ARAP2: variants seen among roughly 807,000 people sequenced by gnomAD.
ARAP2 encodes the protein ArfGAP with RhoGAP domain, ankyrin repeat and PH domain 2.
Under a neutral mutation model 194.5 loss-of-function variants are expected in ARAP2, and 148 were observed. That is an observed-to-expected ratio of 0.76 (90% CI 0.67 to 0.87). The LOEUF is 0.87. Ranked by LOEUF, ARAP2 falls within the 40% of genes least tolerant of loss-of-function variation. The pLI is 0.00. For synonymous variants in ARAP2, 695 were observed against 683.5 expected, an observed-to-expected ratio of 1.02 and a Z score of -0.26; for missense variants, 2,128 against 1,989.7, an observed-to-expected ratio of 1.07 and a Z score of -1.32.
chr4:36,167,791 CA>C (rs1735628660), intron 9 of ARAP2, among the ~76,000 whole-genome samples: 1 of 152,082 alleles, frequency 6.6e-6, no homozygotes, highest in Admixed American at 6.6e-5. Flanking sequence ...CAAAATTGTT[CA>C]AAAGGCTACA....
At chr4:36,105,489 A>G (rs1041319696) in intron 27 of ARAP2, among the ~76,000 whole-genome samples, 5 of 151,974 alleles carry the variant, frequency 3.3e-5, no homozygotes, top group African/African-American at 4.8e-5. Flanking sequence ...TGATGCTTTT[A>G]TAACAGAAGG....
At chr4:36,155,475 G>A (rs1032790948) in intron 15 of ARAP2, among the ~76,000 whole-genome samples, 1 of 152,016 alleles carries the variant, frequency 6.6e-6, no homozygotes, top group Non-Finnish European at 1.5e-5. Context: ...GGGAACAGCA[G>A]GTGAAAAGGT....
At chr4:36,202,653 A>C (rs1744623063) in intron 6 of ARAP2, among the ~76,000 whole-genome samples, 1 of 152,210 alleles carries the variant, frequency 6.6e-6, no homozygotes, top group Non-Finnish European at 1.5e-5. Flanking sequence ...CTATGTTAAA[A>C]GATTCACACT....
At chr4:36,173,714 A>G (rs1446548583) in intron 9 of ARAP2, among the ~76,000 whole-genome samples, 1 of 152,196 alleles carries the variant, frequency 6.6e-6, no homozygotes, top group East Asian at 1.9e-4. Context: ...CTGTGAAAAT[A>G]AAAACAGCTA....
exon 9 of ARAP2, chr4:36,012,692 C>T (rs1230931870): frequency 6.6e-6 from 1 of 152,206 alleles, no homozygotes; most frequent in Non-Finnish European, 1.5e-5. Context: ...GGGCATACTT[C>T]TTCATGCTGT....
At chr4:36,130,930 A>G (rs1341966611) in intron 20 of ARAP2, among the ~76,000 whole-genome samples, 1 of 151,858 alleles carries the variant, frequency 6.6e-6, no homozygotes. Context: ...TTTGAACATA[A>G]TTTTGTTTAT....
In ARAP2 at chr4:36,148,484, T is replaced by C. The variant is rs372559407; in HGVS notation, c.2921A>G (p.Tyr974Cys). ...NTGPIFIFEI[Y>C]LPSERVFLFG... The stretch of plus-strand genomic sequence containing the variant: ...TAAAAACACACGTTCGGAGGGTAAG[T>C]AGATCTCAAAGATAAAGATGGGCCT... The change falls in exon 17 of 33, where the codon TAC (tyrosine) becomes TGC (cysteine). Residue 974 changes from tyrosine (Y) to cysteine (C), a missense_variant. Tyr to Cys is a radical substitution (Grantham distance 194). Coordinates refer to ENST00000303965, the MANE Select transcript of ARAP2 (RefSeq NM_015230.4). 4.3e-6 allele frequency: 7 copies of C among 1,612,968 alleles called. No individual in the cohort carries two copies. Among genetic ancestry groups the C allele is most frequent in the Non-Finnish European group, 5.9e-6 (7 of 1,179,336 alleles).
chr4:36,193,890 C>T (rs1005403774), intron 6 of ARAP2, among the ~76,000 whole-genome samples: 1 of 152,172 alleles, frequency 6.6e-6, no homozygotes. Flanking sequence ...TTGTTGCACA[C>T]ATTTGTAAGG....
chr4:36,142,888 A>G (rs911277020), intron 19 of ARAP2, among the ~76,000 whole-genome samples: 2 of 151,694 alleles, frequency 1.3e-5, no homozygotes, highest in African/African-American at 4.8e-5. Flanking sequence ...TAATCTTTTC[A>G]TGAATATCTT....
At chr4:36,235,449 A>C (rs1752253062) in intron 1 of ARAP2, among the ~76,000 whole-genome samples, 1 of 151,978 alleles carries the variant, frequency 6.6e-6, no homozygotes, top group Non-Finnish European at 1.5e-5. Context: ...CCACTCCATC[A>C]CTTTGGTATG....
At position 36,147,294 on chromosome 4, in the gene ARAP2, A is replaced by G; in HGVS notation, c.3263+2T>C. The G allele has an allele frequency of 6.2e-7, 1 of 1,612,514 alleles. No individual in the cohort carries two copies. The highest frequency in any genetic ancestry group is 8.5e-7 in the Non-Finnish European group (1 of 1,178,896). ...AGGAATAAAAAGCAAAAAGGCACTT[A>G]CCTCCCTTTTTCTACCAAGAGTAAA... On this transcript the variant is annotated splice_donor_variant, in intron 19 of 32. Transcript: ENST00000303965. LOFTEE classifies it high-confidence loss of function.
At chr4:36,049,753 C>A (rs1288940796) in intron 3 of ARAP2, among the ~76,000 whole-genome samples, 1 of 152,040 alleles carries the variant, frequency 6.6e-6, no homozygotes, top group Non-Finnish European at 1.5e-5. Context: ...GAAAAACACT[C>A]CACCTAAAAA....
chr4:36,123,555 G>A (rs1476886071), intron 22 of ARAP2, among the ~76,000 whole-genome samples: 2 of 151,606 alleles, frequency 1.3e-5, no homozygotes, highest in African/African-American at 4.8e-5. Context: ...CTGCTCCGAG[G>A]TGTTAACATT....
chr4:36,225,230 G>C (rs936015321), intron 2 of ARAP2, among the ~76,000 whole-genome samples: 1 of 152,116 alleles, frequency 6.6e-6, no homozygotes. Context: ...AAAACATTCA[G>C]AGGCACTACA....
downstream of ARAP2, among the ~76,000 whole-genome samples, chr4:36,063,841 G>A (rs766139251): frequency 4.6e-5 from 7 of 152,136 alleles, no homozygotes; most frequent in Non-Finnish European, 8.8e-5. Flanking sequence ...TGTTAAGATG[G>A]TGAAAGTTTT....
intron 15 of ARAP2, among the ~76,000 whole-genome samples, chr4:36,155,296 A>C (rs906709496): frequency 1.3e-5 from 2 of 152,208 alleles, no homozygotes; most frequent in Non-Finnish European, 2.9e-5. Flanking sequence ...GATCATCTCC[A>C]TGTGATCAGT....
At chr4:36,127,861 G>A (rs1481668533) in intron 21 of ARAP2, among the ~76,000 whole-genome samples, 1 of 151,838 alleles carries the variant, frequency 6.6e-6, no homozygotes, top group Non-Finnish European at 1.5e-5. Context: ...TAAAAAGGTG[G>A]AATGAAAGGC....
intron 20 of ARAP2, among the ~76,000 whole-genome samples, chr4:36,131,443 CACATATGTGTGT>C (rs1397647954): frequency 1.7e-4 from 26 of 150,708 alleles, no homozygotes; most frequent in Admixed American, 7.3e-4. Context: ...TATGTATGTA[CACATATGTGTGT>C]ACATATGTAA....
At chr4:36,204,040 A>AC (rs1239649651) in intron 6 of ARAP2, among the ~76,000 whole-genome samples, 2 of 152,332 alleles carry the variant, frequency 1.3e-5, no homozygotes, top group African/African-American at 4.8e-5. Flanking sequence ...AACAACAACA[A>AC]AAAAAACTGG....
Sources: allele counts gnomAD v4.1 joint callset (sites outside exome capture counted in the v4.1 genomes callset), GRCh38; gene constraint gnomAD v4.1.1; transcripts MANE v1.5; gene names NCBI Gene and HGNC (gene_info 2026-07-23, HGNC 2026-07-21).